The following DNAH10 variants were observed in gnomAD, a reference collection of about 807,000 sequenced individuals.
DNAH10 encodes axonemal beta dynein heavy chain 10.
Under a neutral mutation model 506.6 loss-of-function variants are expected in DNAH10, and 348 were observed. The ratio of observed to expected loss-of-function variants is 0.69; its 90% CI spans 0.63 to 0.75. The LOEUF (loss-of-function observed/expected upper bound fraction) is 0.75. Among genes scored for constraint, DNAH10 ranks in the 30% least tolerant of loss-of-function variants. The probability of loss-of-function intolerance (pLI) is 0.00; values close to 1 mark genes in which losing one functional copy is unlikely to be tolerated. For synonymous variants in DNAH10, 2,059 were observed against 2,198.6 expected (o/e 0.94, Z 1.78); for missense variants, 5,179 against 5,787.1 (o/e 0.89, Z 3.41).
chr12:123,819,710 T>TTG (rs1565945773), intron 23 of DNAH10, among the ~76,000 whole-genome samples: 1 of 146,796 alleles, frequency 6.8e-6, no homozygotes, highest in Non-Finnish European at 1.5e-5. Flanking sequence ...GTTTTTTTTT[T>TTG]TTTTTTTTTT....
chr12:123,846,486 T>C lies in DNAH10; in HGVS notation c.5814+332T>C, dbSNP rs1396484828. Among the ~76,000 whole-genome samples the C allele has an allele frequency of 6.6e-6, 1 of 152,186 alleles. No individual in the cohort carries two copies. Among genetic ancestry groups the C allele is most frequent in the Non-Finnish European group, 1.5e-5 (1 of 68,030 alleles). ...TTTGCACGTCTTGTGACAGCTTTTATTCCAGAATATATCCGTTCAAGTGAA... is the reference window on the plus strand; with the variant it reads ...TTTGCACGTCTTGTGACAGCTTTTACTCCAGAATATATCCGTTCAAGTGAA... On this transcript the variant is annotated intron_variant, in intron 32 of 78. Coordinates refer to ENST00000673944, the MANE Select transcript of DNAH10 (RefSeq NM_001372106.1). The surrounding 1 kb of genome is among the most constrained non-coding windows in gnomAD (Gnocchi z 4.5).
intron 30 of DNAH10, among the ~76,000 whole-genome samples, chr12:123,843,659 C>T (rs1420360985): frequency 1.3e-5 from 2 of 152,184 alleles, no homozygotes; most frequent in African/African-American, 4.8e-5. Context: ...CTTACTACAA[C>T]CTCCGCCTTC....
chr12:123,920,155 C>T (rs1954664063), intron 65 of DNAH10, among the ~76,000 whole-genome samples: 4 of 152,182 alleles, frequency 2.6e-5, no homozygotes. Context: ...CTGCACAGCC[C>T]TCACCTGGCA....
At chr12:123,867,315 A>G (rs939275173) in intron 41 of DNAH10, among the ~76,000 whole-genome samples, 152 bp from the exon 42 acceptor site, 2 of 152,230 alleles carry the variant, frequency 1.3e-5, no homozygotes, top group Admixed American at 6.5e-5. Context: ...CTCTGCAAAT[A>G]TAGGGCACTA....
chr12:123,914,240 C>A, intron 60 of DNAH10, 89 bp from the exon 61 acceptor site: 1 of 1,203,194 alleles, frequency 8.3e-7, no homozygotes, highest in Non-Finnish European at 1.2e-6. Flanking sequence ...GCCCTGTTAG[C>A]AAGGTATCAA....
chr12:123,766,104 ATCTG>A (rs35219092), intron 1 of DNAH10, among the ~76,000 whole-genome samples: 30,075 of 150,958 alleles, frequency 0.2, 3,166 homozygotes, highest in Middle Eastern at 0.28. Context: ...CTATCTATAC[ATCTG>A]TCTGTCTATC....
intron 52 of DNAH10, 125 bp downstream of exon 52, chr12:123,887,438 C>T (rs1952786839): frequency 8.7e-7 from 1 of 1,153,526 alleles, no homozygotes. Context: ...CCTGTTCCTC[C>T]CTCACGGCGG....
At chr12:123,893,577 T>G in intron 53 of DNAH10, 141 bp downstream of exon 53, 1 of 933,456 alleles carries the variant, frequency 1.1e-6, no homozygotes, top group Non-Finnish European at 1.6e-6. Context: ...CTCTGCACTG[T>G]AGCTTGGGGC....
In DNAH10 at chr12:123,893,376, A is replaced by G. The variant is rs770406571; in HGVS notation, c.9139A>G (p.Ile3047Val). 5 of 1,613,858 alleles carry G rather than the reference A, an allele frequency of 3.1e-6. No individual in the cohort carries two copies. The highest frequency in any genetic ancestry group is 1.7e-5 in the Admixed American group (1 of 60,038). The part of the protein sequence containing the change: ...FVNKSANNLH[I>V]VLGMSPVGDT... Reference sequence around the variant, plus strand: ...GAACAAAAGTGCAAATAACCTGCACATTGTCCTGGGCATGTCGCCAGTGGG... The same window carrying G: ...GAACAAAAGTGCAAATAACCTGCACGTTGTCCTGGGCATGTCGCCAGTGGG... The change falls in exon 53 of 79, where the codon ATT (isoleucine) becomes GTT (valine). Residue 3047 changes from isoleucine (I) to valine (V), a missense_variant. This residue lies in a region of DNAH10 where 4,844 missense variants were observed against 5,430.5 expected (regional missense o/e 0.89). Transcript: ENST00000673944.
At chr12:123,911,945 T>C (rs186222138) in intron 59 of DNAH10, among the ~76,000 whole-genome samples, 4 of 1,300 alleles carry the variant, frequency 3.1e-3, no homozygotes, top group Non-Finnish European at 4.2e-3. Context: ...GGGTCTGTCC[T>C]GGGGGGTCTG....
chr12:123,877,219 C>T (rs903961665), intron 47 of DNAH10, among the ~76,000 whole-genome samples: 4 of 152,118 alleles, frequency 2.6e-5, no homozygotes, highest in Non-Finnish European at 4.4e-5. Flanking sequence ...TCATAAAGCA[C>T]GTGGCTTTCT....
At chr12:123,873,782 G>A in intron 46 of DNAH10, 72 bp downstream of exon 46, 1 of 1,469,476 alleles carries the variant, frequency 6.8e-7, no homozygotes, top group Non-Finnish European at 9.1e-7. Flanking sequence ...GTGTGTGTGT[G>A]TTAGAAGTGA....
chr12:123,893,223 C>T lies in DNAH10; in HGVS notation c.8996-10C>T, dbSNP rs781765140. ...CTCAGAGAGATCACCAGCATGTCTT[C>T]CTTTTCCAGGAATTGTACCTGCGCT... is the stretch of plus-strand genomic sequence containing the variant. On this transcript the variant is annotated splice_polypyrimidine_tract_variant and intron_variant, in intron 52 of 78. Coordinates refer to ENST00000673944, the MANE Select transcript of DNAH10 (RefSeq NM_001372106.1). 6 of 1,613,380 alleles carry T rather than the reference C, an allele frequency of 3.7e-6. No homozygotes were observed. The African/African-American group carries it at 8.0e-5, about 22-fold the overall frequency.
chr12:123,765,593 TATCTATAC>T (rs1957004786), intron 1 of DNAH10, among the ~76,000 whole-genome samples: 1 of 151,782 alleles, frequency 6.6e-6, no homozygotes. Flanking sequence ...TCTATCTATC[TATCTATAC>T]ATACCTCTAT....
rs747071580 is a variant in DNAH10 at position 123,841,555 on chromosome 12, C to G, written c.5360+10C>G. The G allele has an allele frequency of 1.2e-6, 2 of 1,610,164 alleles. No homozygotes were observed. Among genetic ancestry groups the G allele is most frequent in the Non-Finnish European group, 1.7e-6 (2 of 1,177,002 alleles). ...GTGAAGACAGAAGCAGGTAAGGCTG[C>G]GAATGTGGACATGCATTGCTCTATC... is the stretch of plus-strand genomic sequence containing the variant. On this transcript the variant is annotated intron_variant, in intron 30 of 78. Coordinates refer to ENST00000673944, the MANE Select transcript of DNAH10 (RefSeq NM_001372106.1).
rs1265513263 is a variant in DNAH10, at chr12:123,897,954, T to C, written c.9465T>C (p.Thr3155=). ...NTYSKLLDEK[T]QCNIAQCKRL... The stretch of plus-strand genomic sequence containing the variant: ...ATTCAAAATTGCTGGATGAGAAAAC[T>C]CAGTGTAATATAGGTAAGCCTTGGG... The change falls in exon 55 of 79, where the codon ACT becomes ACC. Residue 3155 remains threonine (T), a synonymous_variant. Transcript: ENST00000673944. The C allele has an allele frequency of 6.3e-7, 1 of 1,596,700 alleles. No individual in the cohort carries two copies.
chr12:123,769,839 G>C (rs901614944), intron 2 of DNAH10, among the ~76,000 whole-genome samples: 1 of 150,426 alleles, frequency 6.6e-6, no homozygotes, highest in African/African-American at 2.4e-5. Context: ...CTGTAGCCTT[G>C]AACTCTTGGG....
chr12:123,764,428 A>G (rs1451425200), intron 1 of DNAH10, among the ~76,000 whole-genome samples: 1 of 152,070 alleles, frequency 6.6e-6, no homozygotes, highest in African/African-American at 2.4e-5. Flanking sequence ...GAAACCAAAA[A>G]CACACTCGCA....
chr12:123,823,988 G>A (rs148431162), intron 24 of DNAH10, among the ~76,000 whole-genome samples: 19 of 152,162 alleles, frequency 1.2e-4, no homozygotes, highest in African/African-American at 4.3e-4. Context: ...CACTCTCCTT[G>A]AAATTTATTT....
Sources: gnomAD v4.1 joint callset for allele counts (sites outside exome capture counted in the v4.1 genomes callset) on GRCh38, gnomAD v4.1.1 for gene constraint, gnomAD v4.1.1 regional missense constraint, Gnocchi (gnomAD v3.1) non-coding constraint, MANE v1.5 for transcripts, NCBI Gene and HGNC (gene_info 2026-07-23, HGNC 2026-07-21) for gene names.